Variants in USP18 observed in about 807,000 individuals in gnomAD.
The protein encoded by USP18 is ubiquitin specific peptidase 18.
Under a neutral mutation model 48.7 loss-of-function variants are expected in USP18, and 11 were observed. That is an observed-to-expected ratio of 0.23 (90% CI 0.14 to 0.37). USP18 has a LOEUF of 0.37. USP18 is among the 10% of genes least tolerant of loss of function. The pLI is 1.00. For synonymous variants in USP18, 114 were observed against 163.2 expected, an observed-to-expected ratio of 0.70 and a Z score of 2.30; for missense variants, 285 against 436.4, an observed-to-expected ratio of 0.65 and a Z score of 3.09.
At chr22:18,169,440 G>A (rs541233286) in intron 6 of USP18, among the ~76,000 whole-genome samples, 5 of 152,252 alleles carry the variant, frequency 3.3e-5, no homozygotes, top group African/African-American at 1.2e-4. Flanking sequence ...AGCTGGGCGT[G>A]GTGGCGCAGC....
intron 1 of USP18, among the ~76,000 whole-genome samples, chr22:18,151,389 C>A (rs995442561): frequency 6.6e-6 from 1 of 152,160 alleles, no homozygotes; most frequent in Non-Finnish European, 1.5e-5. Flanking sequence ...TACTGAAAAG[C>A]ATTTCATCTG....
intron 2 of USP18, among the ~76,000 whole-genome samples, chr22:18,158,936 G>T (rs962949976): frequency 1.3e-5 from 2 of 151,454 alleles, no homozygotes; most frequent in African/African-American, 4.9e-5. Context: ...TTTCTCTAAT[G>T]TTTTTTTTTC....
chr22:18,150,411 C>T (rs1928963743), intron 1 of USP18, among the ~76,000 whole-genome samples, 189 bp downstream of exon 1: 1 of 152,020 alleles, frequency 6.6e-6, no homozygotes, highest in African/African-American at 2.4e-5. Flanking sequence ...GTTATTTGGA[C>T]TTTTGACATG....
At position 18,172,747 on chromosome 22, in the gene USP18, C is replaced by T. The variant is rs530377267; in HGVS notation, c.892-403C>T. Among the ~76,000 whole-genome samples, 61 of 150,764 alleles carry T rather than the reference C, an allele frequency of 4.0e-4. 1 individual carries two copies. In the East Asian group the frequency reaches 0.011, roughly 28 times the overall value. On this transcript the variant is annotated intron_variant, in intron 8 of 10. Transcript: ENST00000215794. ...GTGGGTGACTCAGCTTTGCGTCTGC[C>T]GCCCTTGCCCTCTGTCTCCCCTCCC...
In USP18 at chr22:18,157,585, G is replaced by C; in HGVS notation, c.-79G>C. 6.3e-7 allele frequency: 1 copy of C among 1,578,872 alleles called. No individual in the cohort carries two copies. The highest frequency in any genetic ancestry group is 1.8e-5 in the Admixed American group (1 of 55,642). ...ATTCCATCGTGCCTGGCTCACATAAGCGCTTCCTGGAAGTGAAGTCGTGCT... is the reference window on the plus strand; with the variant it reads ...ATTCCATCGTGCCTGGCTCACATAACCGCTTCCTGGAAGTGAAGTCGTGCT... On this transcript the variant is annotated 5_prime_UTR_variant, in exon 2 of 11. Transcript: ENST00000215794.
At position 18,157,700 on chromosome 22, in the gene USP18, C is replaced by CT. The variant is rs1929201632; in HGVS notation, c.37_38insT (p.Gln13LeufsTer6). On this transcript the variant is annotated frameshift_variant, in exon 2 of 11. Coordinates refer to ENST00000215794, the MANE Select transcript of USP18 (RefSeq NM_017414.4). LOFTEE classifies it high-confidence loss of function. The stretch of plus-strand genomic sequence containing the variant: ...GTTTGGGCTCCTGAGGCAAATCTGT[C>CT]AGTCCATCCTGGCTGAGTCCTCGCA... 1 of 1,613,962 alleles carries CT rather than the reference C, an allele frequency of 6.2e-7. No homozygotes were observed. The highest frequency in any genetic ancestry group is 8.5e-7 in the Non-Finnish European group (1 of 1,180,018).
At chr22:18,173,438 G>C (rs7286117) in intron 9 of USP18, among the ~76,000 whole-genome samples, 157 bp downstream of exon 9, 108 of 152,264 alleles carry the variant, frequency 7.1e-4, no homozygotes, top group African/African-American at 2.6e-3. Flanking sequence ...TTTTCGGTCT[G>C]AAGTCCCCAT....
chr22:18,166,910 T>A (rs1027330134), intron 4 of USP18, among the ~76,000 whole-genome samples: 10 of 151,288 alleles, frequency 6.6e-5, no homozygotes, highest in African/African-American at 1.7e-4. Flanking sequence ...AGTACTTTTT[T>A]AAATTTTTTA....
intron 2 of USP18, among the ~76,000 whole-genome samples, chr22:18,158,562 A>G (rs1325817719): frequency 6.6e-6 from 1 of 152,188 alleles, no homozygotes; most frequent in Non-Finnish European, 1.5e-5. Flanking sequence ...CCTTTCCCCA[A>G]GAATCCTGAG....
In USP18 at chr22:18,168,395, T is replaced by TC. The variant is rs147651861; in HGVS notation, c.627+369dup. On this transcript the variant is annotated intron_variant, in intron 6 of 10. Coordinates refer to ENST00000215794, the MANE Select transcript of USP18 (RefSeq NM_017414.4). ...GCTGTGCCCTCATGATGCAATAACC[T>TC]CCCCCCCCCCTTTTTTTTGGAGACA... Among the ~76,000 whole-genome samples the TC allele has an allele frequency of 3.0e-3, 432 of 143,056 alleles. 3 individuals carry two copies. Among genetic ancestry groups the TC allele is most frequent in the African/African-American group, 6.5e-3 (259 of 39,582 alleles). The allele number at this position is 143,056 out of a possible 152,430, so 93.9% of individuals were successfully genotyped here.
intron 2 of USP18, 150 bp from the exon 3 acceptor site, chr22:18,160,022 C>T: frequency 1.3e-6 from 1 of 747,178 alleles, no homozygotes; most frequent in Non-Finnish European, 2.4e-6. Flanking sequence ...CCATGTTGGC[C>T]AGGCTGGTCT....
intron 2 of USP18, among the ~76,000 whole-genome samples, chr22:18,158,898 T>C (rs951618736): frequency 3.3e-5 from 5 of 152,122 alleles, no homozygotes; most frequent in African/African-American, 1.2e-4. Flanking sequence ...ACGATTTGAA[T>C]GAAAGGAAGC....
intron 4 of USP18, among the ~76,000 whole-genome samples, chr22:18,166,756 A>C (rs1929486972): frequency 6.6e-6 from 1 of 150,780 alleles, no homozygotes; most frequent in Admixed American, 6.6e-5. Flanking sequence ...GTGCTTTTCA[A>C]AGTCCCTGTG....
At chr22:18,172,056 A>C (rs1438022667) in intron 8 of USP18, among the ~76,000 whole-genome samples, 1 of 152,208 alleles carries the variant, frequency 6.6e-6, no homozygotes, top group Non-Finnish European at 1.5e-5. Context: ...GCTGGAGTCC[A>C]GGAGTCGAGC....
intron 1 of USP18, among the ~76,000 whole-genome samples, chr22:18,154,332 T>C (rs181180556): frequency 1.8e-4 from 28 of 152,276 alleles, no homozygotes; most frequent in Non-Finnish European, 3.5e-4. Flanking sequence ...AATGGAAATA[T>C]AACAGTAATT....
intron 2 of USP18, among the ~76,000 whole-genome samples, chr22:18,159,438 A>T (rs959378930): frequency 2.0e-5 from 3 of 152,032 alleles, no homozygotes; most frequent in Non-Finnish European, 4.4e-5. Flanking sequence ...TTCGTACTTG[A>T]GAGACTTTAC....
At chr22:18,150,957 A>C (rs568820262) in intron 1 of USP18, among the ~76,000 whole-genome samples, 1 of 152,378 alleles carries the variant, frequency 6.6e-6, no homozygotes, top group African/African-American at 2.4e-5. Context: ...TCAAACAAAC[A>C]AACAAAAAAA....
At chr22:18,156,642 T>C (rs976029489) in intron 1 of USP18, among the ~76,000 whole-genome samples, 3 of 150,106 alleles carry the variant, frequency 2.0e-5, no homozygotes, top group African/African-American at 7.4e-5. Flanking sequence ...AACGGACATC[T>C]CCAGATGCGC....
At chr22:18,159,579 C>T (rs1189051241) in intron 2 of USP18, among the ~76,000 whole-genome samples, 1 of 148,764 alleles carries the variant, frequency 6.7e-6, no homozygotes, top group South Asian at 2.2e-4. Flanking sequence ...CTCACTGCAA[C>T]CTCTGCCTCC....
Sources: allele counts gnomAD v4.1 joint callset (sites outside exome capture counted in the v4.1 genomes callset), GRCh38; gene constraint gnomAD v4.1.1; transcripts MANE v1.5; gene names NCBI Gene and HGNC (gene_info 2026-07-23, HGNC 2026-07-21).